U2SURP: variants seen among roughly 807,000 people sequenced by gnomAD.
The protein encoded by U2SURP is U2 snRNP associated SURP domain containing, also known as U2 snRNP-associated SURP motif-containing protein.
U2SURP carries 9 observed loss-of-function variants against 144.9 expected under a neutral mutation model. That is an observed-to-expected ratio of 0.06 (90% CI 0.04 to 0.11). The LOEUF is 0.11. Among genes scored for constraint, U2SURP ranks in the 10% least tolerant of loss-of-function variants. The pLI is 1.00. For synonymous variants in U2SURP, 408 were observed against 396.8 expected (o/e 1.03, Z -0.33); for missense variants, 724 against 1,226.7 (o/e 0.59, Z 6.12).
In U2SURP at chr3:143,050,948, A is replaced by T. The variant is rs1934825446; in HGVS notation, c.2554A>T (p.Met852Leu). The change falls in exon 25 of 28, where the codon ATG (methionine) becomes TTG (leucine). Residue 852 changes from methionine to leucine, a missense_variant. Met to Leu is a conservative substitution (Grantham distance 15). This residue lies in a region of U2SURP where 18 missense variants were observed against 48.8 expected (regional missense o/e 0.37). Coordinates refer to ENST00000473835, the MANE Select transcript of U2SURP (RefSeq NM_001080415.2). ...AKLREIELKV[M>L]KFQDELESGK... Reference sequence around the variant, plus strand: ...ATATTTTATTTCACAGCTCAAAGTTATGAAGTTTCAGGATGAATTGGAATC... The same window carrying T: ...ATATTTTATTTCACAGCTCAAAGTTTTGAAGTTTCAGGATGAATTGGAATC... 1 of 1,607,238 alleles carries T rather than the reference A, an allele frequency of 6.2e-7. No individual in the cohort carries two copies. The highest frequency in any genetic ancestry group is 1.7e-5 in the Admixed American group (1 of 59,486).
intron 6 of U2SURP, among the ~76,000 whole-genome samples, chr3:143,019,026 A>G (rs929693099): frequency 1.3e-5 from 2 of 152,200 alleles, no homozygotes; most frequent in Non-Finnish European, 2.9e-5. Flanking sequence ...TTTGATTTGC[A>G]TGTACTTGAT....
At chr3:143,055,453 AAC>A (rs1488972476) in intron 27 of U2SURP, among the ~76,000 whole-genome samples, 2 of 152,210 alleles carry the variant, frequency 1.3e-5, no homozygotes, top group African/African-American at 4.8e-5. Context: ...AGCTGAAAGA[AAC>A]ACACATTTTT....
rs112485071 is a variant in U2SURP, at chr3:143,057,968, T to C, written c.*1518T>C. 198 of 152,514 alleles carry C rather than the reference T, an allele frequency of 1.3e-3. No homozygotes were observed. The highest frequency in any genetic ancestry group is 4.6e-3 in the African/African-American group (190 of 41,556). The allele number at this position is 152,514 out of a possible 1,614,324, so 9.4% of individuals were successfully genotyped here. ...TCACTGTTTTACTTAATGGTTCTTA[T>C]CAGCATGCAAATATTGCTTGAAAGT... is the stretch of plus-strand genomic sequence containing the variant. On this transcript the variant is annotated 3_prime_UTR_variant, in exon 28 of 28. Transcript: ENST00000473835.
intron 8 of U2SURP, among the ~76,000 whole-genome samples, chr3:143,021,047 C>T (rs1359518718): frequency 2.6e-5 from 4 of 152,008 alleles, no homozygotes; most frequent in Non-Finnish European, 4.4e-5. Context: ...CAAAATTAGC[C>T]GGGCGTGGTG....
chr3:143,044,527 C>T (rs1456561445), intron 24 of U2SURP, among the ~76,000 whole-genome samples: 6 of 151,830 alleles, frequency 4.0e-5, no homozygotes, highest in Admixed American at 3.9e-4. Flanking sequence ...TTTTAAATGC[C>T]TTTTCTTTTG....
In U2SURP at chr3:143,016,351, G is replaced by T; in HGVS notation, c.416G>T (p.Gly139Val). Residue 139 changes from glycine (G) to valine (V), a missense_variant, in exon 5 of 28, where the codon GGT (glycine) becomes GTT (valine). Transcript: ENST00000473835. ...GNKVKTFVRG[G>V]VVNAAKEEHE... The stretch of plus-strand genomic sequence containing the variant: ...AAAGTGAAAACATTTGTGCGAGGGG[G>T]TGTTGTTAATGCAGCTAAAGGTAAG... 2 of 1,612,696 alleles carry T rather than the reference G, an allele frequency of 1.2e-6. No individual in the cohort carries two copies. Among genetic ancestry groups the T allele is most frequent in the African/African-American group, 1.3e-5 (1 of 74,994 alleles).
chr3:143,012,567 T>G (rs1033079183), intron 3 of U2SURP, among the ~76,000 whole-genome samples: 2 of 152,318 alleles, frequency 1.3e-5, no homozygotes, highest in Middle Eastern at 3.4e-3. Flanking sequence ...TTTTAGAGTT[T>G]TAAATTTTAT....
intron 21 of U2SURP, among the ~76,000 whole-genome samples, 193 bp from the exon 22 acceptor site, chr3:143,037,915 T>A (rs1437865171): frequency 6.6e-6 from 1 of 152,196 alleles, no homozygotes; most frequent in Non-Finnish European, 1.5e-5. Context: ...TGAATTGATA[T>A]ATATACTGTT....
At chr3:143,036,596 A>G (rs1171968262) in intron 20 of U2SURP, among the ~76,000 whole-genome samples, 1 of 151,982 alleles carries the variant, frequency 6.6e-6, no homozygotes, top group Admixed American at 6.6e-5. Context: ...CTCCTGCAGG[A>G]TCTTCCTAAT....
rs370117467 is a variant in U2SURP at position 143,038,976 on chromosome 3, T to C, written c.2384+16T>C. On this transcript the variant is annotated intron_variant, in intron 23 of 27. Transcript: ENST00000473835. ...AAAATCAAAAGTAAGAATCTAAGTT[T>C]TGAATATACTGTTTCTTGTTCATAT... 7 of 1,469,084 alleles carry C rather than the reference T, an allele frequency of 4.8e-6. No individual in the cohort carries two copies. The highest frequency in any genetic ancestry group is 6.4e-6 in the Non-Finnish European group (7 of 1,091,802). 91.0% of individuals were successfully genotyped at this position (1,469,084 alleles called of 1,614,324 possible). A position where few individuals can be genotyped will look rare whatever the true frequency, so the allele number is the denominator to read the frequency against.
At chr3:143,003,914 T>C (rs1935680283) in intron 1 of U2SURP, among the ~76,000 whole-genome samples, 4 of 152,074 alleles carry the variant, frequency 2.6e-5, no homozygotes, top group South Asian at 2.1e-4. Flanking sequence ...ATGGTCTCGA[T>C]CTCTTGACCT....
intron 2 of U2SURP, 119 bp downstream of exon 2, chr3:143,010,978 T>A: frequency 1.3e-6 from 1 of 752,596 alleles, no homozygotes; most frequent in Non-Finnish European, 2.0e-6. Context: ...CTTTTTTCTT[T>A]TACTCTTTTT....
chr3:143,031,407 A>G (rs1371766019), intron 16 of U2SURP, among the ~76,000 whole-genome samples: 2 of 151,132 alleles, frequency 1.3e-5, no homozygotes, highest in Non-Finnish European at 2.9e-5. Flanking sequence ...AGCCACCCCA[A>G]CCTTCAGCTA....
chr3:143,032,753 A>G (rs900736308), intron 16 of U2SURP, 31 bp from the exon 17 acceptor site: 15 of 1,570,626 alleles, frequency 9.6e-6, no homozygotes, highest in East Asian at 4.5e-5. Flanking sequence ...TTGTATCTAA[A>G]TATTTATAAG....
intron 1 of U2SURP, among the ~76,000 whole-genome samples, chr3:143,008,551 T>C (rs1200252566): frequency 1.3e-5 from 2 of 152,246 alleles, no homozygotes; most frequent in African/African-American, 4.8e-5. Context: ...GACATTATCT[T>C]AATATTGAAT....
At chr3:143,049,724 A>C (rs1934748492) in intron 24 of U2SURP, among the ~76,000 whole-genome samples, 1 of 152,138 alleles carries the variant, frequency 6.6e-6, no homozygotes, top group Non-Finnish European at 1.5e-5. Flanking sequence ...CACTTTGTGA[A>C]GTTTTTATTT....
In U2SURP at chr3:143,038,938, T is replaced by A. The variant is rs1001769247; in HGVS notation, c.2362T>A (p.Ser788Thr). Residue 788 changes from serine to threonine, a missense_variant, in exon 23 of 28, where the codon TCA becomes ACA. Coordinates refer to ENST00000473835, the MANE Select transcript of U2SURP (RefSeq NM_001080415.2). ...GGAATTATTTGACCAGCATGAAGAA[T>A]CAGAAGAAGAAGAAAATCAAAAGTA... ...KWELFDQHEE[S>T]EEEENQNQEE... The A allele has an allele frequency of 7.1e-6, 11 of 1,542,436 alleles. No individual in the cohort carries two copies. The highest frequency in any genetic ancestry group is 8.7e-6 in the Non-Finnish European group (10 of 1,146,104).
Position 143,010,369 on chromosome 3 carries a change from C to G in U2SURP, c.46-446C>G, listed in dbSNP as rs190670151. On this transcript the variant is annotated intron_variant, in intron 1 of 27. Coordinates refer to ENST00000473835, the MANE Select transcript of U2SURP (RefSeq NM_001080415.2). ...TGCAGAATTTGTACCTTTTAATAGA[C>G]AGCAAGGATTTATATGTGGATTTCT... 8.1e-4 allele frequency among the ~76,000 whole-genome samples: 123 copies of G among 152,172 alleles called. 1 individual carries two copies. The highest frequency in any genetic ancestry group is 2.8e-3 in the African/African-American group (117 of 41,444).
intron 20 of U2SURP, 59 bp downstream of exon 20, chr3:143,036,163 T>G: frequency 1.3e-6 from 2 of 1,523,430 alleles, no homozygotes; most frequent in South Asian, 2.7e-5. Context: ...TGGAGGTTTC[T>G]TGGAGTTGTT....
Sources: allele counts gnomAD v4.1 joint callset (sites outside exome capture counted in the v4.1 genomes callset), GRCh38; gene constraint gnomAD v4.1.1; regional missense constraint gnomAD v4.1.1; transcripts MANE v1.5; gene names NCBI Gene and HGNC (gene_info 2026-07-23, HGNC 2026-07-21).